USP24: variants seen among roughly 807,000 people sequenced by gnomAD.
USP24 encodes ubiquitin carboxyl-terminal hydrolase 24.
A neutral mutation model predicts 361.6 loss-of-function variants in USP24; 97 were observed. The observed-to-expected ratio is 0.27, with a 90% CI of 0.23 to 0.32. The LOEUF is 0.32. Ranked by LOEUF, USP24 falls within the 10% of genes least tolerant of loss-of-function variation. USP24 has a pLI of 1.00. For missense variants in USP24, 2,353 were observed against 3,165.6 expected (o/e 0.74, Z 6.16); for synonymous variants, 1,098 against 1,124.6 (o/e 0.98, Z 0.47).
chr1:55,146,225 T>C, intron 19 of USP24, 116 bp from the exon 20 acceptor site: 2 of 618,082 alleles, frequency 3.2e-6, no homozygotes, highest in Non-Finnish European at 5.3e-6. Flanking sequence ...ACTGTCAAAA[T>C]ACCACTCAAA....
chr1:55,169,719 A>G (rs1330039975), intron 5 of USP24, among the ~76,000 whole-genome samples: 1 of 151,966 alleles, frequency 6.6e-6, no homozygotes. Context: ...TTTTGAACCC[A>G]GTGAAAATAC....
chr1:55,109,071 C>T (rs1045384274), intron 39 of USP24, among the ~76,000 whole-genome samples: 1 of 152,238 alleles, frequency 6.6e-6, no homozygotes, highest in African/African-American at 2.4e-5. Flanking sequence ...TCACTGCAAC[C>T]TCTGCCTCCT....
At chr1:55,182,261 A>C (rs1342765103) in intron 1 of USP24, among the ~76,000 whole-genome samples, 1 of 152,190 alleles carries the variant, frequency 6.6e-6, no homozygotes, top group Non-Finnish European at 1.5e-5. Context: ...CATGTTGGCC[A>C]GGATGGTCTC....
intron 55 of USP24, among the ~76,000 whole-genome samples, chr1:55,088,841 T>C (rs1407125272): frequency 6.6e-6 from 1 of 152,152 alleles, no homozygotes; most frequent in Non-Finnish European, 1.5e-5. Flanking sequence ...TCTGAATTTC[T>C]GCCAGAAAAG....
intron 36 of USP24, 22 bp downstream of exon 36, chr1:55,123,425 C>G: frequency 6.5e-7 from 1 of 1,540,116 alleles, no homozygotes; most frequent in Non-Finnish European, 8.8e-7. Flanking sequence ...AGAGATTAAT[C>G]ACAAACAAGC....
intron 36 of USP24, among the ~76,000 whole-genome samples, chr1:55,121,743 C>T (rs1027399910): frequency 6.6e-6 from 1 of 152,210 alleles, no homozygotes; most frequent in Non-Finnish European, 1.5e-5. Flanking sequence ...CAATGCCTTG[C>T]ACATACCAGT....
chr1:55,161,071 C>T (rs1648225644), intron 8 of USP24, among the ~76,000 whole-genome samples: 1 of 152,050 alleles, frequency 6.6e-6, no homozygotes, highest in South Asian at 2.1e-4. Context: ...AAGCATTTAA[C>T]ATTTAGAAAT....
intron 7 of USP24, among the ~76,000 whole-genome samples, chr1:55,162,894 A>C (rs1231587740): frequency 6.6e-6 from 1 of 152,170 alleles, no homozygotes; most frequent in Non-Finnish European, 1.5e-5. Context: ...TGACACTACC[A>C]GTAATGAACA....
chr1:55,069,538 A>G (rs138174458), intron 67 of USP24, among the ~76,000 whole-genome samples: 3 of 152,088 alleles, frequency 2.0e-5, no homozygotes, highest in African/African-American at 7.2e-5. Flanking sequence ...TTTGGCTTAC[A>G]CACTTGGCGA....
chr1:55,097,464 A>C, intron 48 of USP24, 134 bp downstream of exon 48: 1 of 1,335,650 alleles, frequency 7.5e-7, no homozygotes, highest in South Asian at 1.6e-5. Context: ...GCTGCCTAAG[A>C]TAAGGGGCTC....
rs1647022558 is a variant in USP24 at position 55,146,126 on chromosome 1, A to G, written c.2251-17T>C. The G allele has an allele frequency of 3.2e-6, 5 of 1,569,436 alleles. No homozygotes were observed. Among genetic ancestry groups the G allele is most frequent in the Non-Finnish European group, 4.4e-6 (5 of 1,141,002 alleles). On this transcript the variant is annotated splice_polypyrimidine_tract_variant and intron_variant, in intron 19 of 67. Transcript: ENST00000294383. ...AAAACACATCTGTGGAATAAGACGAATATCACCCTATAACTAAGATCCATT... is the reference window on the plus strand; with the variant it reads ...AAAACACATCTGTGGAATAAGACGAGTATCACCCTATAACTAAGATCCATT...
intron 1 of USP24, among the ~76,000 whole-genome samples, chr1:55,199,046 T>C (rs895385516): frequency 1.3e-5 from 2 of 152,128 alleles, no homozygotes; most frequent in South Asian, 2.1e-4. Context: ...TCCTGGCACT[T>C]TGAGAGGCCG....
At chr1:55,110,280 A>G (rs984375456) in intron 38 of USP24, 34 bp from the exon 39 acceptor site, 22 of 1,470,484 alleles carry the variant, frequency 1.5e-5, no homozygotes, top group Admixed American at 7.9e-5. Flanking sequence ...TACTAATAAG[A>G]GGCTGATTTG....
chr1:55,142,089 T>C (rs1173797906), intron 23 of USP24, among the ~76,000 whole-genome samples: 1 of 152,224 alleles, frequency 6.6e-6, no homozygotes, highest in Non-Finnish European at 1.5e-5. Flanking sequence ...ATACCGTACA[T>C]ATTCTAGCAC....
chr1:55,162,054 A>G (rs1360094470), intron 8 of USP24, 145 bp downstream of exon 8: 1 of 654,852 alleles, frequency 1.5e-6, no homozygotes, highest in African/African-American at 2.0e-5. Context: ...TTATTATCTG[A>G]TGGCATTTTT....
Position 55,081,371 on chromosome 1 carries a change from T to C in USP24, c.7029A>G (p.Thr2343=). 3 of 1,613,750 alleles carry C rather than the reference T, an allele frequency of 1.9e-6. No individual in the cohort carries two copies. The highest frequency in any genetic ancestry group is 2.5e-6 in the Non-Finnish European group (3 of 1,179,718). ...QAREFGNLHN[T]VALLVLHSDV... ...CTGAATGCAAAACAAGTAACGCCAC[T>C]GTATTGTGAAGATTCCCAAATTCTC... is the stretch of plus-strand genomic sequence containing the variant. The change falls in exon 59 of 68, where the codon ACA becomes ACG. Residue 2343 remains threonine (T), a synonymous_variant. Coordinates refer to ENST00000294383, the MANE Select transcript of USP24 (RefSeq NM_015306.3).
At chr1:55,095,087 C>G (rs914426494) in intron 51 of USP24, among the ~76,000 whole-genome samples, 168 bp downstream of exon 51, 4 of 152,156 alleles carry the variant, frequency 2.6e-5, no homozygotes, top group African/African-American at 9.7e-5. Context: ...AACTTCTTGC[C>G]AAGAAAATAA....
At chr1:55,086,731 T>C (rs1645259551) in intron 55 of USP24, among the ~76,000 whole-genome samples, 1 of 152,250 alleles carries the variant, frequency 6.6e-6, no homozygotes. Flanking sequence ...TGAAAATTTA[T>C]TGTGAAATGA....
chr1:55,105,273 TGGGAGTCACAGCCTGAGGAATACCCC>T (rs1248171544), intron 41 of USP24, among the ~76,000 whole-genome samples: 1 of 152,194 alleles, frequency 6.6e-6, no homozygotes, highest in Non-Finnish European at 1.5e-5. Context: ...GCAATGAGGA[TGGGAGTCACAGCCTGAGGAATACCCC>T]AAGAGTTCTA....
Sources: allele counts gnomAD v4.1 joint callset (sites outside exome capture counted in the v4.1 genomes callset), GRCh38; gene constraint gnomAD v4.1.1; transcripts MANE v1.5; gene names NCBI Gene and HGNC (gene_info 2026-07-23, HGNC 2026-07-21).